Variants in ABI3BP observed in about 807,000 individuals in gnomAD.
ABI3BP encodes the protein target of Nesh-SH3.
ABI3BP carries 216 observed loss-of-function variants against 268.6 expected under a neutral mutation model. The observed-to-expected ratio is 0.80, with a 90% CI of 0.72 to 0.90. The LOEUF is 0.90. ABI3BP is among the 40% of genes least tolerant of loss of function. The pLI, the probability that ABI3BP is intolerant of heterozygous loss-of-function variation, is 0.00. For missense variants in ABI3BP, 2,090 were observed against 2,182.4 expected (o/e 0.96, Z 0.84); for synonymous variants, 730 against 730.0 (o/e 1.00, Z 0.00).
intron 66 of ABI3BP, among the ~76,000 whole-genome samples, chr3:100,751,883 G>A (rs974565336): frequency 6.6e-6 from 1 of 152,010 alleles, no homozygotes; most frequent in Admixed American, 6.6e-5. Context: ...GTTAATGTTC[G>A]TTCTCTCCAT....
At chr3:100,871,190 AG>A (rs1445457700) in intron 9 of ABI3BP, among the ~76,000 whole-genome samples, 3 of 152,220 alleles carry the variant, frequency 2.0e-5, no homozygotes, top group Non-Finnish European at 4.4e-5. Context: ...GCACACACAA[AG>A]GGTAACTATG....
At chr3:100,975,889 C>T (rs2085954899) in intron 1 of ABI3BP, among the ~76,000 whole-genome samples, 1 of 152,102 alleles carries the variant, frequency 6.6e-6, no homozygotes, top group Admixed American at 6.5e-5. Flanking sequence ...CAGAAGACTC[C>T]TTGTCCCCTG....
At chr3:100,772,265 G>C (rs767135494) in intron 61 of ABI3BP, among the ~76,000 whole-genome samples, 19 of 152,200 alleles carry the variant, frequency 1.2e-4, no homozygotes, top group Non-Finnish European at 2.2e-4. Context: ...AGGTAGGAAG[G>C]AAACAATGCC....
chr3:100,753,512 C>T (rs2095449946), intron 65 of ABI3BP, among the ~76,000 whole-genome samples: 1 of 151,696 alleles, frequency 6.6e-6, no homozygotes, highest in African/African-American at 2.4e-5. Flanking sequence ...GGCTGGTCTC[C>T]AGCTCCTGGG....
At chr3:100,853,457 G>T (rs2098890931) in intron 14 of ABI3BP, among the ~76,000 whole-genome samples, 1 of 152,150 alleles carries the variant, frequency 6.6e-6, no homozygotes, top group Non-Finnish European at 1.5e-5. Context: ...TACAAAATAA[G>T]AAAAACTTTG....
chr3:100,811,350 A>G (rs1408549993), intron 47 of ABI3BP, 73 bp from the exon 48 acceptor site: 2 of 1,103,470 alleles, frequency 1.8e-6, no homozygotes, highest in Non-Finnish European at 2.6e-6. Context: ...TGAATATCAA[A>G]TTTTATTAAT....
chr3:100,965,696 T>C (rs1386554981), intron 1 of ABI3BP, among the ~76,000 whole-genome samples: 2 of 151,580 alleles, frequency 1.3e-5, no homozygotes, highest in South Asian at 2.1e-4. Context: ...TTGTAACAGA[T>C]GTGTGTGTGT....
chr3:100,811,659 C>T (rs1028145784), intron 47 of ABI3BP, 69 bp downstream of exon 47: 47 of 1,434,580 alleles, frequency 3.3e-5, no homozygotes, highest in South Asian at 2.2e-4. Flanking sequence ...TTTCATATTC[C>T]GTGGATGTAA....
At chr3:100,804,761 A>ATT (rs761424673) in intron 51 of ABI3BP, 31 bp downstream of exon 51, 1 of 1,588,352 alleles carries the variant, frequency 6.3e-7, no homozygotes, top group South Asian at 1.1e-5. Flanking sequence ...AGTAGAATGC[A>ATT]TTTGGCTTAA....
intron 1 of ABI3BP, among the ~76,000 whole-genome samples, chr3:100,949,904 C>T (rs1242110202): frequency 6.6e-6 from 1 of 152,122 alleles, no homozygotes; most frequent in Non-Finnish European, 1.5e-5. Context: ...CACAATTGCC[C>T]TTTTGTTCAA....
chr3:100,821,743 C>T (rs996048719), intron 38 of ABI3BP, among the ~76,000 whole-genome samples: 19 of 151,608 alleles, frequency 1.3e-4, no homozygotes, highest in Non-Finnish European at 2.5e-4. Flanking sequence ...GCTGGGATTA[C>T]AGGCACCCAC....
chr3:100,974,883 A>G (rs1280097206), intron 1 of ABI3BP, among the ~76,000 whole-genome samples: 1 of 152,206 alleles, frequency 6.6e-6, no homozygotes, highest in African/African-American at 2.4e-5. Context: ...GTGACATGGA[A>G]TAACAGGTAT....
chr3:100,782,340 GC>G (rs2096892210), intron 57 of ABI3BP, among the ~76,000 whole-genome samples: 9 of 151,984 alleles, frequency 5.9e-5, no homozygotes, highest in Admixed American at 5.2e-4. Context: ...AAATTCCCTT[GC>G]CCTCTTTTTT....
At chr3:100,885,627 C>A (rs1372212963) in intron 5 of ABI3BP, 39 bp from the exon 6 acceptor site, 2 of 1,290,800 alleles carry the variant, frequency 1.5e-6, no homozygotes, top group Admixed American at 2.2e-5. Flanking sequence ...TTTTTATTCT[C>A]CTTGCTCCTA....
Position 100,812,484 on chromosome 3 carries a change from G to T in ABI3BP, c.3404C>A (p.Ser1135Ter). The change falls in exon 46 of 68, where the codon TCA (serine) becomes TAA (stop). Residue 1135 changes from serine to a stop codon, truncating the protein, a stop_gained. Coordinates refer to ENST00000471714, the MANE Select transcript of ABI3BP (RefSeq NM_001375547.2). LOFTEE classifies it high-confidence loss of function. ...VLESVTLSTESPKETIAPAKT... is the reference protein window; with the variant it reads ...VLESVTLSTE ...ATTTTTACCTATGGTCTCCTTTGGT[G>T]ACTCAGTACTAAGTGTAACCGATTC... The T allele has an allele frequency of 1.5e-6, 2 of 1,324,874 alleles. No individual in the cohort carries two copies. Among genetic ancestry groups the T allele is most frequent in the South Asian group, 4.6e-5 (2 of 43,774 alleles). The allele number at this position is 1,324,874 out of a possible 1,614,324, so 82.1% of individuals were successfully genotyped here.
chr3:100,862,188 T>C lies in ABI3BP; in HGVS notation c.1285+123A>G. 3 of 721,112 alleles carry C rather than the reference T, an allele frequency of 4.2e-6. 1 individual carries two copies. In the South Asian group the frequency reaches 6.5e-5, roughly 16 times the overall value. The allele number at this position is 721,112 out of a possible 1,614,324, so 44.7% of individuals were successfully genotyped here. On this transcript the variant is annotated intron_variant, in intron 14 of 67. Coordinates refer to ENST00000471714, the MANE Select transcript of ABI3BP (RefSeq NM_001375547.2). ...TGAGGTTCATCTCAGTATCAACAAATGTATGATAGATTTTCCATTTATTAC... is the reference window on the plus strand; with the variant it reads ...TGAGGTTCATCTCAGTATCAACAAACGTATGATAGATTTTCCATTTATTAC...
intron 4 of ABI3BP, among the ~76,000 whole-genome samples, chr3:100,895,187 T>C (rs1561389736): frequency 6.6e-6 from 1 of 152,030 alleles, no homozygotes; most frequent in Non-Finnish European, 1.5e-5. Flanking sequence ...GAAAGCTTTC[T>C]TTCAAATTGA....
chr3:100,876,469 G>A (rs1428485200), intron 7 of ABI3BP, 43 bp downstream of exon 7: 8 of 1,538,372 alleles, frequency 5.2e-6, no homozygotes, highest in African/African-American at 1.4e-5. Context: ...CTAAAAGTAT[G>A]TTAAAGATTG....
chr3:100,828,859 C>G (rs1579333472), intron 33 of ABI3BP, among the ~76,000 whole-genome samples: 3 of 152,158 alleles, frequency 2.0e-5, no homozygotes, highest in Admixed American at 2.0e-4. Context: ...CTGTGGTATA[C>G]AGCTGGGCAA....
Sources: gnomAD v4.1 joint callset for allele counts (sites outside exome capture counted in the v4.1 genomes callset) on GRCh38, gnomAD v4.1.1 for gene constraint, MANE v1.5 for transcripts, NCBI Gene and HGNC (gene_info 2026-07-23, HGNC 2026-07-21) for gene names.